Variants in OR2I1 observed in about 807,000 individuals in gnomAD.
OR2I1 encodes the protein olfactory receptor family 2 subfamily I member 1 (gene/pseudogene).
chr6:29,555,256 G>A, the OR2I1 span: 1 of 152,306 alleles, frequency 6.6e-6, no homozygotes, highest in Non-Finnish European at 1.5e-5. Context: ...GTGAGACATA[G>A]AGAATAAAAG....
the OR2I1 span, chr6:29,556,626 C>G: frequency 2.2e-6 from 1 of 452,698 alleles, no homozygotes; most frequent in Non-Finnish European, 3.9e-6. Flanking sequence ...TGAACGGACG[C>G]TCTTTTGCTC....
At chr6:29,555,867 A>G in the OR2I1 span, 1 of 1,605,396 alleles carries the variant, frequency 6.2e-7, no homozygotes, top group Admixed American at 1.7e-5. Flanking sequence ...CCAACACCCC[A>G]TGCCCAGGGT....
At chr6:29,553,668 C>T in the OR2I1 span, 24,711 of 398,512 alleles carry the variant, frequency 0.062, 1,175 homozygotes, top group Non-Finnish European at 0.092. Flanking sequence ...CCTGGCTAAG[C>T]GGCCTCACCA....
chr6:29,553,100 T>A, the OR2I1 span: 23 of 397,494 alleles, frequency 5.8e-5, no homozygotes, highest in Non-Finnish European at 1.0e-4. Flanking sequence ...AAACTGACCT[T>A]GTATATGATT....
At chr6:29,553,899 C>T in the OR2I1 span, 41,183 of 398,632 alleles carry the variant, frequency 0.1, 6,177 homozygotes, top group African/African-American at 0.44. Flanking sequence ...CTGTCTGTTG[C>T]ATGCGGTTCA....
At chr6:29,557,735 A>C in the OR2I1 span, 1 of 152,246 alleles carries the variant, frequency 6.6e-6, no homozygotes. Context: ...CTTGCAGACT[A>C]TAACCTTTCA....
At chr6:29,553,676 C>T in the OR2I1 span, 1 of 398,546 alleles carries the variant, frequency 2.5e-6, no homozygotes, top group Non-Finnish European at 4.4e-6. Flanking sequence ...AGCGGCCTCA[C>T]CAACTCGGTT....
the OR2I1 span, chr6:29,554,843 G>C: frequency 6.6e-6 from 1 of 152,240 alleles, no homozygotes; most frequent in Non-Finnish European, 1.5e-5. Flanking sequence ...ATGAGAGAGA[G>C]AGCAAGAGAG....
At chr6:29,553,668 C>G in the OR2I1 span, 1 of 398,512 alleles carries the variant, frequency 2.5e-6, no homozygotes. Context: ...CCTGGCTAAG[C>G]GGCCTCACCA....
At chr6:29,553,736 T>G in the OR2I1 span, 1 of 398,612 alleles carries the variant, frequency 2.5e-6, no homozygotes, top group Middle Eastern at 6.3e-4. Context: ...CCCCGCCTGC[T>G]GGACCACTTC....
At chr6:29,556,348 C>T in the OR2I1 span, 4 of 1,608,250 alleles carry the variant, frequency 2.5e-6, no homozygotes, top group Middle Eastern at 3.3e-4. Flanking sequence ...AACGGACATG[C>T]ACCTGGGAAG....
chr6:29,557,745 A>G, the OR2I1 span: 1 of 152,170 alleles, frequency 6.6e-6, no homozygotes, highest in Non-Finnish European at 1.5e-5. Context: ...ATAACCTTTC[A>G]TAAGAAATAA....
At chr6:29,556,135 C>T in the OR2I1 span, 1 of 1,613,148 alleles carries the variant, frequency 6.2e-7, no homozygotes, top group East Asian at 2.2e-5. Context: ...CACTGGGCTT[C>T]ACCACTTTCA....
At chr6:29,553,779 C>T in the OR2I1 span, 209 of 398,606 alleles carry the variant, frequency 5.2e-4, 1 homozygote, top group East Asian at 7.0e-3. Context: ...TCAAGCTGGC[C>T]TGCGGAGGCG....
At chr6:29,552,647 A>T in the OR2I1 span, among the ~76,000 whole-genome samples, 1 of 152,164 alleles carries the variant, frequency 6.6e-6, no homozygotes, top group Non-Finnish European at 1.5e-5. Flanking sequence ...GGACAAATAG[A>T]TAAAAGCAAA....
chr6:29,556,199 C>T, the OR2I1 span: 20 of 1,612,970 alleles, frequency 1.2e-5, no homozygotes, highest in African/African-American at 1.7e-4. Context: ...GAGGCTTCTC[C>T]GTGGCTTTAA....
At chr6:29,552,628 G>A in the OR2I1 span, among the ~76,000 whole-genome samples, 3 of 143,858 alleles carry the variant, frequency 2.1e-5, no homozygotes, top group African/African-American at 2.6e-5. Context: ...ATGAGGAGGA[G>A]GCTTTTTAGG....
chr6:29,550,472 T>TACC, the OR2I1 span: 5 of 152,240 alleles, frequency 3.3e-5, no homozygotes, highest in African/African-American at 7.2e-5. Context: ...GGATATTTGC[T>TACC]ACCACCACCA....
the OR2I1 span, chr6:29,557,131 G>C: frequency 6.6e-6 from 1 of 152,128 alleles, no homozygotes; most frequent in Non-Finnish European, 1.5e-5. Context: ...ACAAGACCGA[G>C]GGCTATAACA....
Sources: allele counts gnomAD v4.1 joint callset (sites outside exome capture counted in the v4.1 genomes callset), GRCh38; gene constraint gnomAD v4.1.1; transcripts MANE v1.5; gene names NCBI Gene and HGNC (gene_info 2026-07-23, HGNC 2026-07-21).